GALNT13: variants seen among roughly 807,000 people sequenced by gnomAD.
GALNT13 encodes the protein UDP-GalNAc:polypeptide N-acetylgalactosaminyltransferase 13.
GALNT13 carries 28 observed loss-of-function variants against 64.2 expected under a neutral mutation model. The ratio of observed to expected loss-of-function variants is 0.44; its 90% confidence interval spans 0.32 to 0.60. GALNT13 has a LOEUF of 0.60. Among genes scored for constraint, GALNT13 ranks in the 20% least tolerant of loss-of-function variants. GALNT13 has a pLI of 0.05. For missense variants in GALNT13, 577 were observed against 669.8 expected (o/e 0.86, Z 1.53); for synonymous variants, 214 against 224.6 (o/e 0.95, Z 0.42).
intron 3 of GALNT13, among the ~76,000 whole-genome samples, chr2:154,020,027 G>A (rs987083203): frequency 1.4e-4 from 21 of 152,218 alleles, no homozygotes; most frequent in African/African-American, 4.6e-4. Context: ...CAAAGGACAT[G>A]AACTCATCAT....
chr2:153,486,734 T>C, the GALNT13 span, among the ~76,000 whole-genome samples: 1 of 152,130 alleles, frequency 6.6e-6, no homozygotes, highest in African/African-American at 2.4e-5. Flanking sequence ...CATAGACCTA[T>C]AGCATCCTAT....
intron 9 of GALNT13, among the ~76,000 whole-genome samples, chr2:154,317,538 G>A (rs1486341823): frequency 6.6e-6 from 1 of 152,032 alleles, no homozygotes; most frequent in African/African-American, 2.4e-5. Context: ...ATATATCAAT[G>A]AATAAAATCA....
the GALNT13 span, among the ~76,000 whole-genome samples, chr2:153,542,208 T>C: frequency 2.6e-5 from 4 of 151,974 alleles, no homozygotes; most frequent in African/African-American, 9.7e-5. Flanking sequence ...TAATCCCAGC[T>C]ACTTGGGAGG....
At chr2:153,422,709 T>G in the GALNT13 span, among the ~76,000 whole-genome samples, 1 of 152,130 alleles carries the variant, frequency 6.6e-6, no homozygotes, top group Admixed American at 6.5e-5. Flanking sequence ...TTGCCAATTA[T>G]TTTGAAAATA....
At chr2:154,214,044 C>T (rs527522029) in intron 4 of GALNT13, among the ~76,000 whole-genome samples, 4 of 152,212 alleles carry the variant, frequency 2.6e-5, no homozygotes, top group East Asian at 1.9e-4. Context: ...ATTCCACTAA[C>T]GTCATTATAA....
the GALNT13 span, among the ~76,000 whole-genome samples, chr2:153,557,872 C>A: frequency 6.6e-6 from 1 of 152,116 alleles, no homozygotes; most frequent in South Asian, 2.1e-4. Context: ...TTCCCACAGT[C>A]CCCTCGGCCT....
intron 3 of GALNT13, among the ~76,000 whole-genome samples, chr2:154,001,374 G>T (rs1226362933): frequency 6.6e-6 from 1 of 151,420 alleles, no homozygotes. Context: ...TATCTTTGTG[G>T]TTAAATGATT....
chr2:153,644,833 C>T, the GALNT13 span, among the ~76,000 whole-genome samples: 3 of 152,058 alleles, frequency 2.0e-5, no homozygotes, highest in Non-Finnish European at 4.4e-5. Flanking sequence ...TATTTGTCAC[C>T]ATTAAGATTC....
At chr2:153,646,004 C>T in the GALNT13 span, among the ~76,000 whole-genome samples, 1 of 152,038 alleles carries the variant, frequency 6.6e-6, no homozygotes, top group African/African-American at 2.4e-5. Context: ...CACTTGACCC[C>T]TGTTTTGTGA....
chr2:153,605,528 A>C, the GALNT13 span, among the ~76,000 whole-genome samples: 1 of 152,066 alleles, frequency 6.6e-6, no homozygotes, highest in African/African-American at 2.4e-5. Flanking sequence ...TTTTAGTAGA[A>C]ATTTTTTCTT....
chr2:153,779,571 G>A, the GALNT13 span, among the ~76,000 whole-genome samples: 1 of 152,066 alleles, frequency 6.6e-6, no homozygotes, highest in African/African-American at 2.4e-5. Context: ...TTTTAAAATA[G>A]TATATTTATT....
At chr2:154,417,513 A>ATTTCTTTTT (rs1387223429) in intron 11 of GALNT13, among the ~76,000 whole-genome samples, 1 of 130,286 alleles carries the variant, frequency 7.7e-6, no homozygotes, top group African/African-American at 3.3e-5. Context: ...TTATTTATTT[A>ATTTCTTTTT]TTTATTTATT....
the GALNT13 span, among the ~76,000 whole-genome samples, chr2:153,102,698 A>G: frequency 6.6e-6 from 1 of 152,094 alleles, no homozygotes; most frequent in East Asian, 1.9e-4. Context: ...CGAAACAGCT[A>G]TTACTTATCT....
the GALNT13 span, among the ~76,000 whole-genome samples, chr2:153,149,933 G>T: frequency 2.0e-5 from 3 of 151,512 alleles, no homozygotes; most frequent in Non-Finnish European, 4.4e-5. Flanking sequence ...GGTTTTTTTT[G>T]CCTGAAAATA....
At chr2:154,148,522 AC>A (rs1683766467) in intron 4 of GALNT13, among the ~76,000 whole-genome samples, 3 of 152,092 alleles carry the variant, frequency 2.0e-5, no homozygotes, top group Admixed American at 2.0e-4. Flanking sequence ...CAATGGTTGA[AC>A]TAGTTTACAG....
At chr2:153,838,709 T>C in the GALNT13 span, among the ~76,000 whole-genome samples, 130 of 152,102 alleles carry the variant, frequency 8.5e-4, no homozygotes, top group Middle Eastern at 0.02. Context: ...GCATCCAGTT[T>C]TGTTCTTCTT....
the GALNT13 span, among the ~76,000 whole-genome samples, chr2:153,510,132 A>G: frequency 1.3e-5 from 2 of 152,188 alleles, no homozygotes; most frequent in Non-Finnish European, 2.9e-5. Flanking sequence ...AGCATGACTC[A>G]AAGAATGCAA....
At chr2:153,158,500 T>A in the GALNT13 span, among the ~76,000 whole-genome samples, 1 of 152,168 alleles carries the variant, frequency 6.6e-6, no homozygotes, top group Non-Finnish European at 1.5e-5. Flanking sequence ...AACAAATTAG[T>A]CTATTCCTGG....
chr2:154,049,689 A>T (rs1018563695), intron 3 of GALNT13, among the ~76,000 whole-genome samples: 4 of 151,762 alleles, frequency 2.6e-5, no homozygotes, highest in African/African-American at 7.2e-5. Context: ...CCACATACTT[A>T]ATAGTTACCA....
Sources: allele counts gnomAD v4.1 joint callset (sites outside exome capture counted in the v4.1 genomes callset), GRCh38; gene constraint gnomAD v4.1.1; transcripts MANE v1.5; gene names NCBI Gene and HGNC (gene_info 2026-07-23, HGNC 2026-07-21).